Variants in LRRC72 observed in about 807,000 individuals in gnomAD.
LRRC72 encodes the protein leucine-rich repeat-containing protein 72.
A neutral mutation model predicts 35.8 loss-of-function variants in LRRC72; 41 were observed. That is an observed-to-expected ratio of 1.15 (90% CI 0.89 to 1.49). The LOEUF (loss-of-function observed/expected upper bound fraction) is 1.49. LRRC72 is among the 40% of genes most tolerant of loss of function. The pLI is 0.00. For missense variants in LRRC72, 389 were observed against 330.7 expected, an observed-to-expected ratio of 1.18 and a Z score of -1.37; for synonymous variants, 118 against 119.2, an observed-to-expected ratio of 0.99 and a Z score of 0.07.
At position 16,548,263 on chromosome 7, in the gene LRRC72, G is replaced by A. The variant is rs202225118; in HGVS notation, c.235-9097G>A. ...TTGTCTGTGTACCTCATTCTTCCTG[G>A]ATGTAGGACAAGAACTCGAGACCTG... On this transcript the variant is annotated intron_variant, in intron 3 of 8. Coordinates refer to ENST00000401542, the MANE Select transcript of LRRC72 (RefSeq NM_001195280.2). 2.6e-5 allele frequency among the ~76,000 whole-genome samples: 4 copies of A among 152,280 alleles called. No individual in the cohort carries two copies. The East Asian group carries it at 7.7e-4, about 29-fold the overall frequency.
intron 7 of LRRC72, among the ~76,000 whole-genome samples, chr7:16,567,749 A>G (rs1457227704): frequency 6.6e-6 from 1 of 152,100 alleles, no homozygotes; most frequent in East Asian, 1.9e-4. Flanking sequence ...TCACTCATGC[A>G]TGTGAAATTA....
intron 1 of LRRC72, among the ~76,000 whole-genome samples, chr7:16,528,380 G>A (rs766667395): frequency 2.0e-5 from 3 of 151,744 alleles, no homozygotes; most frequent in Non-Finnish European, 4.4e-5. Flanking sequence ...TTTCTGGTGG[G>A]CGCCTTGACC....
chr7:16,564,403 A>G (rs1782792107), intron 5 of LRRC72, among the ~76,000 whole-genome samples: 1 of 146,672 alleles, frequency 6.8e-6, no homozygotes, highest in Admixed American at 6.6e-5. Context: ...GTGGTTTAAT[A>G]TACATCTGTT....
At chr7:16,562,358 A>G (rs919331822) in intron 5 of LRRC72, among the ~76,000 whole-genome samples, 1 of 152,248 alleles carries the variant, frequency 6.6e-6, no homozygotes, top group East Asian at 1.9e-4. Flanking sequence ...GTACTAAGGG[A>G]AAAAAACCAC....
chr7:16,558,867 A>T, intron 4 of LRRC72, 22 bp from the exon 5 acceptor site: 1 of 1,334,188 alleles, frequency 7.5e-7, no homozygotes, highest in Non-Finnish European at 9.9e-7. Context: ...AAAATCTTGT[A>T]AAAATATTCT....
At chr7:16,579,073 A>G (rs905632860) in intron 7 of LRRC72, among the ~76,000 whole-genome samples, 14 of 152,226 alleles carry the variant, frequency 9.2e-5, no homozygotes, top group African/African-American at 2.9e-4. Context: ...GCCGTATTGT[A>G]TACTTGAAGT....
intron 3 of LRRC72, among the ~76,000 whole-genome samples, chr7:16,541,004 G>A (rs1466045351): frequency 1.3e-5 from 2 of 152,200 alleles, no homozygotes; most frequent in African/African-American, 4.8e-5. Flanking sequence ...GAGGGAACAT[G>A]TCTCAAGATC....
chr7:16,558,998 A>G lies in LRRC72; in HGVS notation c.426A>G (p.Leu142=). ...AGGGAATGCTAAATCTGAAGATCCT[A>G]AGTAACAATTTGCAATTTTATATGG... ...ELKGMLNLKI[L]SLYQNPLCQY... Residue 142 remains leucine (L), a splice_region_variant and synonymous_variant, in exon 5 of 9, where the codon CTA becomes CTG. Coordinates refer to ENST00000401542, the MANE Select transcript of LRRC72 (RefSeq NM_001195280.2). 6.6e-7 allele frequency: 1 copy of G among 1,524,246 alleles called. No individual in the cohort carries two copies. Among genetic ancestry groups the G allele is most frequent in the Non-Finnish European group, 8.8e-7 (1 of 1,130,078 alleles). The allele number at this position is 1,524,246 out of a possible 1,614,324, so 94.4% of individuals were successfully genotyped here.
intron 8 of LRRC72, among the ~76,000 whole-genome samples, chr7:16,580,330 A>T (rs907835526): frequency 5.3e-5 from 8 of 152,186 alleles, no homozygotes; most frequent in Non-Finnish European, 1.2e-4. Flanking sequence ...AATAAGCAAA[A>T]AGATAATTTG....
intron 2 of LRRC72, 46 bp downstream of exon 2, chr7:16,532,614 G>T: frequency 7.4e-7 from 1 of 1,346,978 alleles, no homozygotes; most frequent in South Asian, 1.3e-5. Flanking sequence ...ATGTTATCAT[G>T]ATCATGTTAA....
intron 2 of LRRC72, among the ~76,000 whole-genome samples, chr7:16,535,435 T>C (rs976011060): frequency 3.3e-5 from 5 of 152,120 alleles, no homozygotes; most frequent in Non-Finnish European, 2.9e-5. Context: ...TACAGAAGAA[T>C]AGCAGCTAAT....
chr7:16,575,987 A>G (rs190780869), intron 7 of LRRC72, among the ~76,000 whole-genome samples: 8 of 152,318 alleles, frequency 5.3e-5, no homozygotes, highest in Admixed American at 4.6e-4. Flanking sequence ...TCCTTTTCAT[A>G]TTGAACCTCC....
At chr7:16,552,374 A>G (rs1357183958) in intron 3 of LRRC72, among the ~76,000 whole-genome samples, 2 of 146,244 alleles carry the variant, frequency 1.4e-5, no homozygotes, top group Admixed American at 7.1e-5. Flanking sequence ...ACACGCAGAA[A>G]TGGGACTCCA....
At chr7:16,536,205 A>T (rs146628608) in intron 2 of LRRC72, among the ~76,000 whole-genome samples, 4,098 of 152,320 alleles carry the variant, frequency 0.027, 84 homozygotes, top group Non-Finnish European at 0.041. Context: ...GAAAAAGGAA[A>T]GAAGATGATT....
chr7:16,561,706 A>G (rs959260647), intron 5 of LRRC72, among the ~76,000 whole-genome samples: 3 of 152,228 alleles, frequency 2.0e-5, no homozygotes, highest in African/African-American at 7.2e-5. Flanking sequence ...ACAAAAAACA[A>G]AAAGCATTTT....
intron 3 of LRRC72, among the ~76,000 whole-genome samples, chr7:16,553,368 C>T (rs477644): frequency 0.44 from 66,404 of 151,960 alleles, 15,527 homozygotes; most frequent in African/African-American, 0.62. Context: ...CTCTGGATCT[C>T]GAGAAAGTTG....
In LRRC72 at chr7:16,575,911, G is replaced by T. The variant is rs181466160; in HGVS notation, c.671-4163G>T. ...TATTGGTGTGATCCCTACCTTTAGG[G>T]ATCTACATTTCTTTTGTTTAACCAG... On this transcript the variant is annotated intron_variant, in intron 7 of 8. Transcript: ENST00000401542. Among the ~76,000 whole-genome samples the T allele has an allele frequency of 1.2e-4, 18 of 152,244 alleles. No individual in the cohort carries two copies. In the East Asian group the frequency reaches 3.3e-3, roughly 28 times the overall value.
intron 3 of LRRC72, among the ~76,000 whole-genome samples, chr7:16,538,186 C>T (rs1583636635): frequency 1.3e-5 from 2 of 152,202 alleles, no homozygotes; most frequent in African/African-American, 4.8e-5. Context: ...AGAGGGCCAC[C>T]TGCCTTCTTT....
intron 3 of LRRC72, among the ~76,000 whole-genome samples, chr7:16,544,416 T>C (rs1243453523): frequency 6.6e-6 from 1 of 152,228 alleles, no homozygotes; most frequent in Non-Finnish European, 1.5e-5. Context: ...TCATTAGTGC[T>C]GCATCTCCTC....
Sources: allele counts gnomAD v4.1 joint callset (sites outside exome capture counted in the v4.1 genomes callset), GRCh38; gene constraint gnomAD v4.1.1; transcripts MANE v1.5; gene names NCBI Gene and HGNC (gene_info 2026-07-23, HGNC 2026-07-21).